AKAP19: variants seen among roughly 807,000 people sequenced by gnomAD.
AKAP19 encodes the protein small A-kinase anchoring protein.
the AKAP19 span, among the ~76,000 whole-genome samples, chr2:189,893,009 T>C: frequency 6.6e-6 from 1 of 152,156 alleles, no homozygotes; most frequent in African/African-American, 2.4e-5. Context: ...CAGTTCCAAC[T>C]TCCTGGTGGC....
At chr2:189,920,933 T>C in the AKAP19 span, among the ~76,000 whole-genome samples, 1 of 152,204 alleles carries the variant, frequency 6.6e-6, no homozygotes, top group Non-Finnish European at 1.5e-5. Flanking sequence ...TCTGGCCCCT[T>C]CTGTTGTGCA....
At chr2:190,101,422 C>A in the AKAP19 span, among the ~76,000 whole-genome samples, 4 of 152,174 alleles carry the variant, frequency 2.6e-5, no homozygotes, top group African/African-American at 9.7e-5. Flanking sequence ...GAGAGGATAG[C>A]AGCAGGGCTC....
the AKAP19 span, among the ~76,000 whole-genome samples, chr2:190,108,784 T>G: frequency 1.2e-4 from 3 of 25,400 alleles, no homozygotes; most frequent in African/African-American, 3.0e-4. Flanking sequence ...CTGTTTGCGG[T>G]TTTTTTTTTT....
the AKAP19 span, among the ~76,000 whole-genome samples, chr2:189,958,422 C>T: frequency 4.0e-5 from 6 of 150,568 alleles, no homozygotes; most frequent in South Asian, 2.1e-4. Flanking sequence ...TGCTGATGAG[C>T]GTATAAATTG....
chr2:190,113,011 T>A, the AKAP19 span, among the ~76,000 whole-genome samples: 1 of 152,090 alleles, frequency 6.6e-6, no homozygotes, highest in South Asian at 2.1e-4. Flanking sequence ...CCTTGGGAAA[T>A]TTAGAAATTT....
chr2:189,922,433 T>A, the AKAP19 span, among the ~76,000 whole-genome samples: 1 of 152,188 alleles, frequency 6.6e-6, no homozygotes, highest in South Asian at 2.1e-4. Flanking sequence ...TTGTCTAAAC[T>A]AGACATGGGT....
the AKAP19 span, among the ~76,000 whole-genome samples, chr2:189,998,900 T>C: frequency 1.3e-5 from 2 of 151,128 alleles, no homozygotes; most frequent in Non-Finnish European, 1.5e-5. Context: ...AGCTGCCAAG[T>C]AGCTGCGATT....
At chr2:189,981,323 G>A in the AKAP19 span, among the ~76,000 whole-genome samples, 1 of 143,726 alleles carries the variant, frequency 7.0e-6, no homozygotes, top group Admixed American at 7.0e-5. Context: ...GTTTTATTTG[G>A]TATAAGACTA....
chr2:190,057,695 A>G, the AKAP19 span: 4 of 1,570,424 alleles, frequency 2.5e-6, no homozygotes, highest in Non-Finnish European at 3.5e-6. Flanking sequence ...ACACTTTTCT[A>G]CCTACCTTAA....
chr2:189,989,946 A>G, the AKAP19 span, among the ~76,000 whole-genome samples: 2 of 152,220 alleles, frequency 1.3e-5, no homozygotes, highest in African/African-American at 2.4e-5. Context: ...GAACTGATCT[A>G]CAAATTCAAT....
At chr2:190,054,229 A>G in the AKAP19 span, among the ~76,000 whole-genome samples, 6 of 152,210 alleles carry the variant, frequency 3.9e-5, no homozygotes, top group Non-Finnish European at 7.3e-5. Context: ...GACAAAAACA[A>G]GAAATAGGGA....
the AKAP19 span, among the ~76,000 whole-genome samples, chr2:190,037,797 G>A: frequency 1.3e-5 from 2 of 152,182 alleles, no homozygotes; most frequent in Non-Finnish European, 2.9e-5. Context: ...GAAGAGATAT[G>A]TCTTTCTTTA....
At chr2:190,094,161 C>G in the AKAP19 span, among the ~76,000 whole-genome samples, 1 of 152,150 alleles carries the variant, frequency 6.6e-6, no homozygotes, top group Non-Finnish European at 1.5e-5. Context: ...GGCTGGAAAG[C>G]AAGATGAGTG....
the AKAP19 span, among the ~76,000 whole-genome samples, chr2:189,899,647 G>GT: frequency 6.6e-6 from 1 of 152,140 alleles, no homozygotes; most frequent in African/African-American, 2.4e-5. Flanking sequence ...ATAAATGTGT[G>GT]TTTTTTCCTT....
chr2:190,031,518 G>A, the AKAP19 span, among the ~76,000 whole-genome samples: 1 of 151,144 alleles, frequency 6.6e-6, no homozygotes, highest in Non-Finnish European at 1.5e-5. Context: ...GACAATGGTG[G>A]CAAAATAAAT....
the AKAP19 span, chr2:190,057,447 A>G: frequency 1.9e-6 from 3 of 1,613,456 alleles, no homozygotes; most frequent in African/African-American, 2.7e-5. Flanking sequence ...ATACAAATTC[A>G]CACTCTCCAG....
chr2:190,200,250 A>G, the AKAP19 span: 1 of 926,198 alleles, frequency 1.1e-6, no homozygotes, highest in Non-Finnish European at 1.7e-6. Flanking sequence ...ATCTGGATTT[A>G]AAAATGTGTC....
At chr2:189,913,133 A>C in the AKAP19 span, among the ~76,000 whole-genome samples, 7 of 152,128 alleles carry the variant, frequency 4.6e-5, no homozygotes, top group African/African-American at 1.4e-4. Flanking sequence ...TGATGCTTTA[A>C]ATGTACATGT....
the AKAP19 span, among the ~76,000 whole-genome samples, chr2:190,162,305 T>G: frequency 6.6e-6 from 1 of 152,284 alleles, no homozygotes; most frequent in East Asian, 1.9e-4. Flanking sequence ...AACTTTCTGT[T>G]TAAGCAGAAT....
Sources: gnomAD v4.1 joint callset for allele counts (sites outside exome capture counted in the v4.1 genomes callset) on GRCh38, gnomAD v4.1.1 for gene constraint, MANE v1.5 for transcripts, NCBI Gene and HGNC (gene_info 2026-07-23, HGNC 2026-07-21) for gene names.